SHISA9: variants seen among roughly 807,000 people sequenced by gnomAD.
The protein encoded by SHISA9 is shisa family member 9.
Under a neutral mutation model 38.0 loss-of-function variants are expected in SHISA9, and 13 were observed. That is an observed-to-expected ratio of 0.34 (90% CI 0.22 to 0.54). The LOEUF is 0.54. SHISA9 is among the 20% of genes least tolerant of loss of function. SHISA9 has a pLI of 0.91. For synonymous variants in SHISA9, 275 were observed against 242.0 expected, an observed-to-expected ratio of 1.14 and a Z score of -1.27; for missense variants, 538 against 575.8, an observed-to-expected ratio of 0.93 and a Z score of 0.67.
the SHISA9 span, among the ~76,000 whole-genome samples, chr16:13,299,724 A>C: frequency 2.6e-5 from 4 of 151,298 alleles, no homozygotes; most frequent in African/African-American, 9.7e-5. Flanking sequence ...AAAAAAAAAA[A>C]CAAAAAAAAC....
the SHISA9 span, among the ~76,000 whole-genome samples, chr16:13,339,347 A>AT: frequency 6.6e-6 from 1 of 152,248 alleles, no homozygotes; most frequent in Non-Finnish European, 1.5e-5. Context: ...TGGAGAGAGG[A>AT]TGATAAGACG....
the SHISA9 span, among the ~76,000 whole-genome samples, chr16:13,429,712 AG>A: frequency 6.6e-6 from 1 of 152,224 alleles, no homozygotes; most frequent in Non-Finnish European, 1.5e-5. Flanking sequence ...CTATTTCAAA[AG>A]TATGTTGGAG....
chr16:13,221,089 A>G (rs2051219943), intron 4 of SHISA9, among the ~76,000 whole-genome samples: 1 of 151,858 alleles, frequency 6.6e-6, no homozygotes, highest in Admixed American at 6.6e-5. Context: ...GGTTAAGACT[A>G]AAAAAGGGCC....
At chr16:13,050,209 A>C (rs771930962) in intron 2 of SHISA9, among the ~76,000 whole-genome samples, 1 of 152,252 alleles carries the variant, frequency 6.6e-6, no homozygotes, top group Non-Finnish European at 1.5e-5. Flanking sequence ...ATGTAGATAT[A>C]CATCTGTTGA....
At chr16:13,376,734 C>A in the SHISA9 span, among the ~76,000 whole-genome samples, 1 of 152,118 alleles carries the variant, frequency 6.6e-6, no homozygotes, top group Admixed American at 6.5e-5. Flanking sequence ...CACTCCATTG[C>A]CCAGGCTGGA....
rs4781435 is a variant in SHISA9 at position 13,211,313 on chromosome 16, G to T, written c.848-1940G>T. 1.7e-4 allele frequency among the ~76,000 whole-genome samples: 24 copies of T among 138,602 alleles called. No homozygotes were observed. The South Asian group carries it at 5.3e-3, about 31-fold the overall frequency. The allele number at this position is 138,602 out of a possible 152,430, so 90.9% of individuals were successfully genotyped here. On this transcript the variant is annotated intron_variant, in intron 3 of 4. Coordinates refer to ENST00000558583, the MANE Select transcript of SHISA9 (RefSeq NM_001145204.3). ...AAAGCAAGACTCTGTCTCAAGAAAA[G>T]AAAAAAAAAAGAAAGTAAAAATTTC...
At chr16:13,314,540 T>A in the SHISA9 span, among the ~76,000 whole-genome samples, 3 of 152,126 alleles carry the variant, frequency 2.0e-5, no homozygotes, top group Admixed American at 2.0e-4. Flanking sequence ...ACGCCCAGCC[T>A]ATTTCATTTT....
the SHISA9 span, among the ~76,000 whole-genome samples, chr16:13,304,876 G>A: frequency 7.7e-3 from 1,167 of 152,214 alleles, 7 homozygotes; most frequent in Middle Eastern, 0.017. Context: ...TTCTATGAGG[G>A]GCATATAGCA....
At chr16:13,326,733 A>C in the SHISA9 span, among the ~76,000 whole-genome samples, 2 of 151,708 alleles carry the variant, frequency 1.3e-5, no homozygotes, top group Non-Finnish European at 2.9e-5. Flanking sequence ...AAAAAGAAAG[A>C]AAAAAAAAGT....
At chr16:13,559,713 A>G in the SHISA9 span, among the ~76,000 whole-genome samples, 22 of 152,182 alleles carry the variant, frequency 1.4e-4, no homozygotes, top group African/African-American at 4.6e-4. Flanking sequence ...ATTCCATTTT[A>G]CTATATTTCC....
At chr16:13,006,179 A>C (rs1447348746) in intron 2 of SHISA9, among the ~76,000 whole-genome samples, 1 of 152,192 alleles carries the variant, frequency 6.6e-6, no homozygotes, top group Non-Finnish European at 1.5e-5. Context: ...GATTTGAAGG[A>C]GAGAAAAATA....
At chr16:13,420,427 C>G in the SHISA9 span, among the ~76,000 whole-genome samples, 1 of 151,914 alleles carries the variant, frequency 6.6e-6, no homozygotes, top group Non-Finnish European at 1.5e-5. Context: ...GGGATGGAAG[C>G]TATCACAGGA....
At chr16:13,272,762 TA>T in the SHISA9 span, among the ~76,000 whole-genome samples, 1 of 152,216 alleles carries the variant, frequency 6.6e-6, no homozygotes, top group African/African-American at 2.4e-5. Flanking sequence ...CAACAGTTAT[TA>T]ATCCCCTTTT....
At chr16:13,194,119 A>T (rs979447286) in intron 2 of SHISA9, among the ~76,000 whole-genome samples, 2 of 152,086 alleles carry the variant, frequency 1.3e-5, no homozygotes, top group Non-Finnish European at 2.9e-5. Flanking sequence ...TGGAGGAGTC[A>T]GACATCCCAT....
chr16:13,244,571 T>C (rs536759216), downstream of SHISA9, among the ~76,000 whole-genome samples: 2 of 152,224 alleles, frequency 1.3e-5, no homozygotes, highest in African/African-American at 4.8e-5. Flanking sequence ...ATACATAAAA[T>C]ACACATAGCA....
At chr16:12,912,448 G>T (rs561661955) in intron 1 of SHISA9, among the ~76,000 whole-genome samples, 12 of 152,238 alleles carry the variant, frequency 7.9e-5, no homozygotes, top group African/African-American at 2.9e-4. Flanking sequence ...TTTGGGGCGC[G>T]GGAGAGTGGG....
the SHISA9 span, among the ~76,000 whole-genome samples, chr16:13,344,329 G>A: frequency 2.0e-5 from 3 of 152,074 alleles, no homozygotes; most frequent in Non-Finnish European, 2.9e-5. Context: ...ATTCATCTAC[G>A]AAAGGTTTGT....
chr16:13,221,191 G>A (rs748676889), intron 4 of SHISA9, among the ~76,000 whole-genome samples: 3 of 152,172 alleles, frequency 2.0e-5, no homozygotes, highest in Non-Finnish European at 4.4e-5. Flanking sequence ...CAGATGCCCC[G>A]TGCTTCTTTA....
At chr16:12,937,116 A>G (rs275402) in intron 2 of SHISA9, among the ~76,000 whole-genome samples, 53,129 of 151,928 alleles carry the variant, frequency 0.35, 9,640 homozygotes, top group South Asian at 0.48. Context: ...AATTTTAAGA[A>G]TTGAGTTTTA....
Sources: gnomAD v4.1 joint callset for allele counts (sites outside exome capture counted in the v4.1 genomes callset) on GRCh38, gnomAD v4.1.1 for gene constraint, MANE v1.5 for transcripts, NCBI Gene and HGNC (gene_info 2026-07-23, HGNC 2026-07-21) for gene names.